Variants in MICU1 observed in about 807,000 individuals in gnomAD.
MICU1 encodes mitochondrial calcium uptake 1.
A neutral mutation model predicts 56.8 loss-of-function variants in MICU1; 45 were observed. That is an observed-to-expected ratio of 0.79 (90% CI 0.62 to 1.02). MICU1 has a LOEUF of 1.02. MICU1 is among the 50% of genes least tolerant of loss of function. MICU1 has a pLI of 0.00. For synonymous variants in MICU1, 186 were observed against 195.1 expected (o/e 0.95, Z 0.39); for missense variants, 504 against 587.1 (o/e 0.86, Z 1.46).
At chr10:72,454,309 C>T (rs1360292753) in intron 8 of MICU1, among the ~76,000 whole-genome samples, 1 of 150,914 alleles carries the variant, frequency 6.6e-6, no homozygotes, top group Admixed American at 6.6e-5. Context: ...ACAAAATTAG[C>T]CAGGTGTGGT....
intron 10 of MICU1, among the ~76,000 whole-genome samples, chr10:72,383,133 C>T (rs7069836): frequency 0.017 from 2,583 of 151,488 alleles, 71 homozygotes; most frequent in African/African-American, 0.06. Context: ...GCAGTCCTAG[C>T]TACTTGGGAA....
At chr10:72,598,325 G>A (rs888189986) in intron 1 of MICU1, among the ~76,000 whole-genome samples, 2 of 151,458 alleles carry the variant, frequency 1.3e-5, no homozygotes, top group African/African-American at 2.4e-5. Flanking sequence ...GCATGATCTC[G>A]GCTCACTGCA....
chr10:72,622,088 T>G (rs932227807), intron 1 of MICU1, among the ~76,000 whole-genome samples: 4 of 152,102 alleles, frequency 2.6e-5, no homozygotes, highest in Admixed American at 1.3e-4. Context: ...GCTAATTTTT[T>G]GTATGTTTGT....
At chr10:72,431,766 G>A (rs569344324) in intron 8 of MICU1, among the ~76,000 whole-genome samples, 39 of 152,056 alleles carry the variant, frequency 2.6e-4, no homozygotes, top group Non-Finnish European at 4.7e-4. Context: ...ACTATTTAAT[G>A]CTCCCAATGT....
At chr10:72,534,740 T>C (rs1044468225) in intron 4 of MICU1, among the ~76,000 whole-genome samples, 16 of 152,148 alleles carry the variant, frequency 1.1e-4, no homozygotes, top group African/African-American at 2.9e-4. Context: ...ATTTAAACAT[T>C]TGGTTATACA....
chr10:72,405,909 C>T (rs1243431056), intron 10 of MICU1, among the ~76,000 whole-genome samples: 1 of 151,888 alleles, frequency 6.6e-6, no homozygotes, highest in East Asian at 1.9e-4. Flanking sequence ...ATATTGAATA[C>T]TTTTCTCTAA....
At chr10:72,552,296 C>A (rs1840053179) in intron 3 of MICU1, among the ~76,000 whole-genome samples, 1 of 152,140 alleles carries the variant, frequency 6.6e-6, no homozygotes, top group African/African-American at 2.4e-5. Context: ...TATGAAAGTT[C>A]ATTCCCTTAT....
intron 6 of MICU1, among the ~76,000 whole-genome samples, chr10:72,490,614 G>C (rs1428671437): frequency 6.6e-6 from 1 of 152,060 alleles, no homozygotes; most frequent in East Asian, 1.9e-4. Context: ...AGAGAGTTAT[G>C]GGGGTCCTTT....
chr10:72,383,063 A>G (rs1372470166), intron 10 of MICU1, among the ~76,000 whole-genome samples: 3 of 152,158 alleles, frequency 2.0e-5, no homozygotes, highest in African/African-American at 7.2e-5. Flanking sequence ...GCAATAGAGG[A>G]AGACCTCATC....
chr10:72,480,542 T>C lies in MICU1; in HGVS notation c.653-3286A>G, dbSNP rs373438231. On this transcript the variant is annotated intron_variant, in intron 6 of 11. Coordinates refer to ENST00000361114, the MANE Select transcript of MICU1 (RefSeq NM_001195518.2). The stretch of plus-strand genomic sequence containing the variant: ...AGGAGAAGGTCAAGAAAAGGGTAGA[T>C]TGCAGGTGGAAGCCAATGTTTAAAG... Among the ~76,000 whole-genome samples the C allele has an allele frequency of 5.3e-5, 8 of 152,226 alleles. No homozygotes were observed. The East Asian group carries it at 7.7e-4, about 15-fold the overall frequency.
intron 6 of MICU1, among the ~76,000 whole-genome samples, chr10:72,492,960 T>C (rs1964176): frequency 0.46 from 69,345 of 150,962 alleles, 19,999 homozygotes; most frequent in Non-Finnish European, 0.67. Flanking sequence ...CTACTAAAAA[T>C]ACAAAAATTA....
At chr10:72,447,570 C>A (rs1865143690) in intron 8 of MICU1, among the ~76,000 whole-genome samples, 1 of 151,826 alleles carries the variant, frequency 6.6e-6, no homozygotes, top group African/African-American at 2.4e-5. Flanking sequence ...TAGTTTATAA[C>A]CAGGAGGCAA....
chr10:72,618,864 TTTTC>T (rs1272643068), intron 1 of MICU1, among the ~76,000 whole-genome samples: 2 of 152,196 alleles, frequency 1.3e-5, no homozygotes, highest in African/African-American at 2.4e-5. Flanking sequence ...GAATTTTTTG[TTTTC>T]TTTATTTTTA....
chr10:72,593,982 C>A (rs1841299971), intron 1 of MICU1, among the ~76,000 whole-genome samples: 2 of 152,114 alleles, frequency 1.3e-5, no homozygotes, highest in African/African-American at 4.8e-5. Context: ...CATCAAAATC[C>A]CAATGACATT....
At chr10:72,556,876 C>T (rs1840171728) in intron 3 of MICU1, among the ~76,000 whole-genome samples, 1 of 151,630 alleles carries the variant, frequency 6.6e-6, no homozygotes, top group South Asian at 2.1e-4. Flanking sequence ...ACCAGCCTGG[C>T]CAAAATGGTG....
At chr10:72,425,275 C>G (rs1347959620) in intron 8 of MICU1, among the ~76,000 whole-genome samples, 1 of 152,186 alleles carries the variant, frequency 6.6e-6, no homozygotes, top group Non-Finnish European at 1.5e-5. Context: ...GTGGGGCAAT[C>G]CCGTATGTTG....
chr10:72,547,973 T>C (rs1311241498), intron 4 of MICU1, among the ~76,000 whole-genome samples: 1 of 152,202 alleles, frequency 6.6e-6, no homozygotes, highest in Non-Finnish European at 1.5e-5. Flanking sequence ...TATATCAGAA[T>C]TGATCATCCA....
chr10:72,420,213 C>T (rs1188630056), intron 9 of MICU1, among the ~76,000 whole-genome samples: 1 of 152,144 alleles, frequency 6.6e-6, no homozygotes, highest in African/African-American at 2.4e-5. Flanking sequence ...GCATGCACCA[C>T]CACGCCGGGC....
At chr10:72,593,231 C>T (rs543270470) in intron 1 of MICU1, among the ~76,000 whole-genome samples, 9 of 152,278 alleles carry the variant, frequency 5.9e-5, no homozygotes, top group African/African-American at 2.2e-4. Context: ...AAGAACAAGG[C>T]AAGGATGTCT....
Sources: gnomAD v4.1 joint callset for allele counts (sites outside exome capture counted in the v4.1 genomes callset) on GRCh38, gnomAD v4.1.1 for gene constraint, MANE v1.5 for transcripts, NCBI Gene and HGNC (gene_info 2026-07-23, HGNC 2026-07-21) for gene names.